Variants in FAT1 observed in about 807,000 individuals in gnomAD.
FAT1 encodes FAT atypical cadherin 1, also known as protocadherin Fat 1.
Under a neutral mutation model 329.8 loss-of-function variants are expected in FAT1, and 171 were observed. The ratio of observed to expected loss-of-function variants is 0.52; its 90% confidence interval spans 0.46 to 0.59. The LOEUF is 0.59. Ranked by LOEUF, FAT1 falls within the 20% of genes least tolerant of loss-of-function variation. The probability of loss-of-function intolerance (pLI) is 0.00; values close to 1 mark genes in which losing one functional copy is unlikely to be tolerated. For synonymous variants in FAT1, 2,233 were observed against 2,228.6 expected, an observed-to-expected ratio of 1.00 and a Z score of -0.06; for missense variants, 5,672 against 5,774.4, an observed-to-expected ratio of 0.98 and a Z score of 0.57.
chr4:186,651,043 C>CTATTATTAAATAATT (rs1282254755), intron 3 of FAT1, among the ~76,000 whole-genome samples: 17 of 19,928 alleles, frequency 8.5e-4, no homozygotes, highest in African/African-American at 2.0e-3. Flanking sequence ...AATTTATTTA[C>CTATTATTAAATAATT]TATTATTAAA....
At chr4:186,690,652 T>C (rs1743712035) in intron 2 of FAT1, among the ~76,000 whole-genome samples, 1 of 151,954 alleles carries the variant, frequency 6.6e-6, no homozygotes, top group African/African-American at 2.4e-5. Context: ...ATCACGCTAC[T>C]GCACTCCAGC....
rs1738552956 is a variant in FAT1, at chr4:186,596,942, C to A, written c.12598G>T (p.Val4200Phe). The A allele has an allele frequency of 6.2e-7, 1 of 1,613,984 alleles. No homozygotes were observed. The highest frequency in any genetic ancestry group is 8.5e-7 in the Non-Finnish European group (1 of 1,179,886). The change falls in exon 25 of 27, where the codon GTT becomes TTT. Residue 4200 changes from valine to phenylalanine, a missense_variant. Transcript: ENST00000441802. The surrounding 1 kb of genome is among the most constrained non-coding windows in gnomAD (Gnocchi z 4.7). ...AGIFLLVVVF[V>F]LCRKMISRKK... ...CGACTAATCATCTTACGGCAGAGAA[C>A]AAACACCACCACCAGTAAAAATATC...
chr4:186,633,554 G>T, intron 7 of FAT1, 130 bp downstream of exon 7: 1 of 876,588 alleles, frequency 1.1e-6, no homozygotes, highest in Non-Finnish European at 1.8e-6. Context: ...TTCTTAGTGT[G>T]CATGTGTGTA....
Position 186,618,315 on chromosome 4 carries a change from G to A in FAT1, c.8271C>T (p.Ser2757=), listed in dbSNP as rs989485667. Residue 2757 remains serine (S), a synonymous_variant, in exon 10 of 27, where the codon AGC becomes AGT. Coordinates refer to ENST00000441802, the MANE Select transcript of FAT1 (RefSeq NM_005245.4). The stretch of plus-strand genomic sequence containing the variant: ...GACTCTTCTCCAACTTCAGTCTCCC[G>A]CTCTGTCTGTCAATCACAAAGGACT... The part of the protein sequence containing the change: ...RDESFVIDRQ[S]GRLKLEKSLD... 2.4e-5 allele frequency: 38 copies of A among 1,613,800 alleles called. No individual in the cohort carries two copies. The highest frequency in any genetic ancestry group is 4.0e-5 in the African/African-American group (3 of 74,906).
chr4:186,673,853 A>C (rs962598553), intron 2 of FAT1, among the ~76,000 whole-genome samples: 1 of 152,160 alleles, frequency 6.6e-6, no homozygotes, highest in Non-Finnish European at 1.5e-5. Flanking sequence ...CCAAGTTCTG[A>C]CTTCCCTGTC....
At chr4:186,687,649 C>G (rs1168780538) in intron 2 of FAT1, among the ~76,000 whole-genome samples, 1 of 152,174 alleles carries the variant, frequency 6.6e-6, no homozygotes, top group Non-Finnish European at 1.5e-5. Context: ...GGGATGTCAA[C>G]TGGTATAATG....
At chr4:186,682,601 T>C (rs918705537) in intron 2 of FAT1, among the ~76,000 whole-genome samples, 2 of 150,868 alleles carry the variant, frequency 1.3e-5, no homozygotes, top group African/African-American at 4.9e-5. Context: ...CTTTTTGAAC[T>C]AAAAACATGC....
chr4:186,605,017 G>A (rs191282138), intron 17 of FAT1, among the ~76,000 whole-genome samples: 2,652 of 151,884 alleles, frequency 0.017, 118 homozygotes, highest in East Asian at 0.16. Context: ...TCAGGAGTTC[G>A]AGACCAGCCT....
intron 2 of FAT1, among the ~76,000 whole-genome samples, chr4:186,672,446 A>G (rs947945118): frequency 6.6e-6 from 1 of 152,200 alleles, no homozygotes; most frequent in Non-Finnish European, 1.5e-5. Context: ...TGAAGCCATG[A>G]CACTGACCAC....
chr4:186,658,881 C>T lies in FAT1; in HGVS notation c.3580+4418G>A, dbSNP rs542428834. Among the ~76,000 whole-genome samples the T allele has an allele frequency of 5.3e-5, 8 of 152,326 alleles. No individual in the cohort carries two copies. In the South Asian group the frequency reaches 1.7e-3, roughly 32 times the overall value. On this transcript the variant is annotated intron_variant, in intron 3 of 26. Coordinates refer to ENST00000441802, the MANE Select transcript of FAT1 (RefSeq NM_005245.4). ...ACCCGTGAGAGCCTGTGCCACACTG[C>T]TGCACACATCTGTTCTTCTTGGTTA... is the stretch of plus-strand genomic sequence containing the variant.
At chr4:186,679,365 TGA>T (rs1743095432) in intron 2 of FAT1, among the ~76,000 whole-genome samples, 1 of 134,916 alleles carries the variant, frequency 7.4e-6, no homozygotes, top group South Asian at 2.3e-4. Context: ...TGCAGTGAGC[TGA>T]GATCGCACCA....
Position 186,597,767 on chromosome 4 carries a change from C to G in FAT1, c.12283G>C (p.Asp4095His), listed in dbSNP as rs748249672. The change falls in exon 24 of 27, where the codon GAT (aspartate) becomes CAT (histidine). Residue 4095 changes from aspartate (D) to histidine (H), a missense_variant. Asp to His is a moderately conservative substitution (Grantham distance 81). Coordinates refer to ENST00000441802, the MANE Select transcript of FAT1 (RefSeq NM_005245.4). ...QRCQLSPYCK[D>H]EPCKNGGTCF... ...GTTCCGCCATTCTTACAGGGTTCATCTTTGCAGTATGGACTAAGCTGACAC... is the reference window on the plus strand; with the variant it reads ...GTTCCGCCATTCTTACAGGGTTCATGTTTGCAGTATGGACTAAGCTGACAC... 1 of 1,613,912 alleles carries G rather than the reference C, an allele frequency of 6.2e-7. No individual in the cohort carries two copies. The highest frequency in any genetic ancestry group is 1.6e-4 in the Middle Eastern group (1 of 6,062).
intron 24 of FAT1, 140 bp downstream of exon 24, chr4:186,597,542 A>G (rs1738590643): frequency 1.6e-6 from 1 of 643,698 alleles, no homozygotes; most frequent in Non-Finnish European, 2.8e-6. Flanking sequence ...TGAAAAGATT[A>G]TAAATTATAT....
chr4:186,715,365 C>T (rs1745164308), intron 1 of FAT1, among the ~76,000 whole-genome samples: 1 of 152,174 alleles, frequency 6.6e-6, no homozygotes, highest in South Asian at 2.1e-4. Flanking sequence ...TTGTGGACCA[C>T]ATTCCTAACT....
chr4:186,643,234 G>A (rs58689333), intron 3 of FAT1, among the ~76,000 whole-genome samples: 5,904 of 152,212 alleles, frequency 0.039, 261 homozygotes, highest in African/African-American at 0.11. Flanking sequence ...CCCCACGGCA[G>A]GAAGCTCTGC....
chr4:186,610,827 T>C (rs1739412548), intron 14 of FAT1, among the ~76,000 whole-genome samples: 1 of 151,280 alleles, frequency 6.6e-6, no homozygotes, highest in Non-Finnish European at 1.5e-5. Flanking sequence ...GTTAGCAAGA[T>C]GATGAAGCAT....
chr4:186,666,319 C>A (rs901065409), intron 2 of FAT1, among the ~76,000 whole-genome samples: 4 of 152,150 alleles, frequency 2.6e-5, no homozygotes, highest in African/African-American at 7.2e-5. Context: ...AAGCATAATG[C>A]ACACACACTC....
At chr4:186,634,468 C>T (rs1740737111) in intron 6 of FAT1, among the ~76,000 whole-genome samples, 2 of 152,076 alleles carry the variant, frequency 1.3e-5, no homozygotes, top group South Asian at 4.1e-4. Context: ...GGTTTAATGT[C>T]ATGATGAAAT....
intron 14 of FAT1, 98 bp from the exon 15 acceptor site, chr4:186,610,113 T>G (rs916965000): frequency 1.4e-6 from 1 of 703,914 alleles, no homozygotes; most frequent in African/African-American, 1.8e-5. Context: ...CATTTAGTTT[T>G]CACTTCAAAA....
Sources: allele counts gnomAD v4.1 joint callset (sites outside exome capture counted in the v4.1 genomes callset), GRCh38; gene constraint gnomAD v4.1.1; non-coding constraint Gnocchi (gnomAD v3.1); transcripts MANE v1.5; gene names NCBI Gene and HGNC (gene_info 2026-07-23, HGNC 2026-07-21).